The following SP3 variants were observed in gnomAD, a reference collection of about 807,000 sequenced individuals.
SP3 encodes the protein Sp3 transcription factor.
Under a neutral mutation model 70.3 loss-of-function variants are expected in SP3, and 10 were observed. The observed-to-expected ratio is 0.14, with a 90% CI of 0.09 to 0.24. The LOEUF (loss-of-function observed/expected upper bound fraction) is 0.24, where lower values mean the gene tolerates loss of function less well. Among genes scored for constraint, SP3 ranks in the 10% least tolerant of loss-of-function variants. The pLI is 1.00. For synonymous variants in SP3, 402 were observed against 333.5 expected, an observed-to-expected ratio of 1.21 and a Z score of -2.24; for missense variants, 825 against 914.6, an observed-to-expected ratio of 0.90 and a Z score of 1.26.
intron 4 of SP3, among the ~76,000 whole-genome samples, chr2:173,926,252 T>C (rs1259552469): frequency 1.3e-5 from 2 of 152,160 alleles, no homozygotes; most frequent in Non-Finnish European, 2.9e-5. Context: ...CCTCCTTCTT[T>C]AGTAAGACCA....
chr2:173,960,131 C>T (rs956362924), intron 3 of SP3, among the ~76,000 whole-genome samples: 3 of 152,208 alleles, frequency 2.0e-5, no homozygotes, highest in African/African-American at 7.2e-5. Context: ...AATCACACAC[C>T]TCCATTCCAG....
At chr2:173,935,931 C>G (rs908872921) in intron 4 of SP3, among the ~76,000 whole-genome samples, 2 of 152,178 alleles carry the variant, frequency 1.3e-5, no homozygotes, top group African/African-American at 4.8e-5. Context: ...AGCTAATCAC[C>G]AATCCTATAA....
At chr2:173,961,935 GTTTTTTTTTTT>G (rs536537799) in intron 3 of SP3, among the ~76,000 whole-genome samples, 5 of 81,014 alleles carry the variant, frequency 6.2e-5, no homozygotes, top group Admixed American at 1.1e-4. Context: ...TATGGTTTGG[GTTTTTTTTTTT>G]TTTTTTTTTT....
chr2:173,925,863 G>T (rs911388917), intron 4 of SP3, among the ~76,000 whole-genome samples: 8 of 152,014 alleles, frequency 5.3e-5, no homozygotes, highest in Non-Finnish European at 1.0e-4. Context: ...GTTCTACCAG[G>T]TTAAAATAGT....
chr2:173,932,696 TATA>T (rs1259550121), intron 4 of SP3, among the ~76,000 whole-genome samples: 1 of 151,968 alleles, frequency 6.6e-6, no homozygotes, highest in Non-Finnish European at 1.5e-5. Flanking sequence ...TGTTAAGAAG[TATA>T]ATAATAATGA....
chr2:173,935,583 C>T lies in SP3; in HGVS notation c.1640-16798G>A, dbSNP rs139781105. On this transcript the variant is annotated intron_variant, in intron 4 of 6. Coordinates refer to ENST00000310015, the MANE Select transcript of SP3 (RefSeq NM_003111.5). ...GTAGAAAATGTACACACTTCCTGCA[C>T]GTTTTATGGTCCACACTCCACCATC... Among the ~76,000 whole-genome samples, 736 of 152,294 alleles carry T rather than the reference C, an allele frequency of 4.8e-3. 3 individuals are homozygous for T. Among genetic ancestry groups the T allele is most frequent in the African/African-American group, 0.017 (701 of 41,560 alleles).
intron 4 of SP3, among the ~76,000 whole-genome samples, chr2:173,947,100 T>TG (rs1473921097): frequency 1.3e-5 from 2 of 152,208 alleles, no homozygotes; most frequent in African/African-American, 4.8e-5. Flanking sequence ...CTGTAATGTC[T>TG]GTGATTTTAG....
chr2:173,938,238 C>T (rs1239607938), intron 4 of SP3, among the ~76,000 whole-genome samples: 1 of 152,046 alleles, frequency 6.6e-6, no homozygotes, highest in Non-Finnish European at 1.5e-5. Context: ...GGGTGGATCA[C>T]CTGAGGTCAG....
At position 173,920,241 on chromosome 2, in the gene SP3, AAAAAGAT is replaced by A. The variant is rs1689715124; in HGVS notation, c.1640-1463_1640-1457del. Among the ~76,000 whole-genome samples, 6 of 152,310 alleles carry A rather than the reference AAAAAGAT, an allele frequency of 3.9e-5. No homozygotes were observed. In the East Asian group the frequency reaches 9.6e-4, roughly 24 times the overall value. On this transcript the variant is annotated intron_variant, in intron 4 of 6. Transcript: ENST00000310015. Reference sequence around the variant, plus strand: ...AAAAGGCAAAACTATGAAGACATTAAAAAAGATCAGTGGTTGCCAGGAATTAAAGGGG... The same window carrying A: ...AAAAGGCAAAACTATGAAGACATTAACAGTGGTTGCCAGGAATTAAAGGGG...
At chr2:173,932,944 A>G (rs763648954) in intron 4 of SP3, among the ~76,000 whole-genome samples, 2 of 152,172 alleles carry the variant, frequency 1.3e-5, no homozygotes, top group African/African-American at 2.4e-5. Context: ...GTGAGCCAAT[A>G]TAGCACCACT....
intron 4 of SP3, among the ~76,000 whole-genome samples, chr2:173,921,174 T>TA (rs1278725912): frequency 2.6e-5 from 4 of 152,234 alleles, no homozygotes; most frequent in African/African-American, 4.8e-5. Context: ...GGTGATTACT[T>TA]AGGAACTGTT....
intron 4 of SP3, among the ~76,000 whole-genome samples, chr2:173,933,638 T>TCATATATATATATATA (rs71405167): frequency 2.3e-5 from 2 of 86,564 alleles, no homozygotes; most frequent in South Asian, 3.7e-4. Context: ...TTATAAAACT[T>TCATATATATATATATA]TATATATATA....
intron 4 of SP3, among the ~76,000 whole-genome samples, chr2:173,942,945 A>C (rs900601688): frequency 6.6e-6 from 1 of 152,324 alleles, no homozygotes; most frequent in East Asian, 1.9e-4. Context: ...TAGGTATTAT[A>C]AGTAACTAAG....
rs751635991 is a variant in SP3, at chr2:173,913,293, T to C, written c.1833-27A>G. 18 of 1,417,280 alleles carry C rather than the reference T, an allele frequency of 1.3e-5. 1 individual carries two copies. Among genetic ancestry groups the C allele is most frequent in the South Asian group, 1.7e-5 (1 of 59,242 alleles). The allele number at this position is 1,417,280 out of a possible 1,614,324, so 87.8% of individuals were successfully genotyped here. Reference sequence around the variant, plus strand: ...TAAAAAACACACATAGAATAATATATACTTATATGAAAATATTCAAATGGA... The same window carrying C: ...TAAAAAACACACATAGAATAATATACACTTATATGAAAATATTCAAATGGA... On this transcript the variant is annotated intron_variant, in intron 5 of 6. Transcript: ENST00000310015.
chr2:173,938,967 G>C (rs927855844), intron 4 of SP3, among the ~76,000 whole-genome samples: 2 of 152,172 alleles, frequency 1.3e-5, no homozygotes, highest in Admixed American at 6.5e-5. Context: ...CTGGGGTACA[G>C]AGTGCTACCA....
Position 173,922,869 on chromosome 2 carries a change from T to C in SP3, c.1640-4084A>G, listed in dbSNP as rs1247168438. Among the ~76,000 whole-genome samples the C allele has an allele frequency of 2.0e-5, 3 of 152,132 alleles. No homozygotes were observed. In the East Asian group the frequency reaches 5.8e-4, roughly 29 times the overall value. ...TGTAAACAAGTACAGGTTAACTCTT[T>C]CCAAGGGTTTTGCTATAAAAGCAAG... On this transcript the variant is annotated intron_variant, in intron 4 of 6. Transcript: ENST00000310015.
intron 4 of SP3, among the ~76,000 whole-genome samples, chr2:173,950,711 G>A (rs1362087453): frequency 6.6e-6 from 1 of 150,656 alleles, no homozygotes; most frequent in East Asian, 1.9e-4. Flanking sequence ...AAAGTTTTCA[G>A]CATTTTCATC....
At chr2:173,934,659 T>A (rs1690163690) in intron 4 of SP3, among the ~76,000 whole-genome samples, 1 of 152,056 alleles carries the variant, frequency 6.6e-6, no homozygotes, top group Non-Finnish European at 1.5e-5. Context: ...GGCCAGGGGT[T>A]CAAGACCAGC....
In SP3 at chr2:173,906,146, C is replaced by T. The variant is rs1689314278; in HGVS notation, c.*3795G>A. On this transcript the variant is annotated 3_prime_UTR_variant, in exon 7 of 7. Transcript: ENST00000310015. Reference sequence around the variant, plus strand: ...TCTTAAAAATTTTTCCACTCTGTCCCTCACAAAGTCCCCCATCACCCAACA... The same window carrying T: ...TCTTAAAAATTTTTCCACTCTGTCCTTCACAAAGTCCCCCATCACCCAACA... 6.6e-6 allele frequency among the ~76,000 whole-genome samples: 1 copy of T among 151,536 alleles called. No homozygotes were observed. Among genetic ancestry groups the T allele is most frequent in the Admixed American group, 6.7e-5 (1 of 15,024 alleles).
Sources: gnomAD v4.1 joint callset for allele counts (sites outside exome capture counted in the v4.1 genomes callset) on GRCh38, gnomAD v4.1.1 for gene constraint, MANE v1.5 for transcripts, NCBI Gene and HGNC (gene_info 2026-07-23, HGNC 2026-07-21) for gene names.